The following HYDIN variants were observed in gnomAD, a reference collection of about 807,000 sequenced individuals.
HYDIN encodes the protein HYDIN axonemal central pair apparatus protein, also known as axonemal central pair apparatus protein HYDIN.
A neutral mutation model predicts 403.9 loss-of-function variants in HYDIN; 132 were observed. That is an observed-to-expected ratio of 0.33 (90% confidence interval 0.28 to 0.38). The LOEUF is 0.38. Ranked by LOEUF, HYDIN falls within the 10% of genes least tolerant of loss-of-function variation. HYDIN has a pLI of 1.00. For missense variants in HYDIN, 2,827 were observed against 5,009.5 expected (o/e 0.56, Z 13.15); for synonymous variants, 1,202 against 1,891.7 (o/e 0.64, Z 9.46).
chr16:71,181,231 C>T (rs1306200338), intron 3 of HYDIN, among the ~76,000 whole-genome samples: 30 of 139,256 alleles, frequency 2.2e-4, no homozygotes, highest in African/African-American at 7.1e-4. Context: ...TTTTTTGAAA[C>T]AAAAAAGCTG....
Position 71,179,187 on chromosome 16 carries a change from A to G in HYDIN, c.262-140T>C, listed in dbSNP as rs1391701045. ...CAAAAAGAAATCCATACCCAAGTAC[A>G]TCATTGTAAAAGCACTAAAACACAG... On this transcript the variant is annotated intron_variant, in intron 3 of 85. Transcript: ENST00000393567. The G allele has an allele frequency of 5.3e-6, 3 of 562,864 alleles. No individual in the cohort carries two copies. The Admixed American group carries it at 1.1e-4, about 20-fold the overall frequency. The allele number at this position is 562,864 out of a possible 1,614,324, so 34.9% of individuals were successfully genotyped here. A position where few individuals can be genotyped will look rare whatever the true frequency, so the allele number is the denominator to read the frequency against.
At chr16:70,944,375 TAGGA>T (rs2077783126) in intron 41 of HYDIN, among the ~76,000 whole-genome samples, 1 of 152,148 alleles carries the variant, frequency 6.6e-6, no homozygotes, top group Non-Finnish European at 1.5e-5. Flanking sequence ...TGATGAGTGC[TAGGA>T]AGGAAATAAC....
At chr16:71,023,145 A>C (rs1175236377) in intron 21 of HYDIN, among the ~76,000 whole-genome samples, 1 of 152,186 alleles carries the variant, frequency 6.6e-6, no homozygotes, top group African/African-American at 2.4e-5. Flanking sequence ...GATTACTTAA[A>C]AATGAAGAAT....
chr16:70,826,651 T>C (rs1303223937), intron 83 of HYDIN, among the ~76,000 whole-genome samples: 2 of 149,158 alleles, frequency 1.3e-5, no homozygotes, highest in Non-Finnish European at 2.9e-5. Context: ...TGGAGCATCC[T>C]ATTCAGTTAT....
intron 80 of HYDIN, among the ~76,000 whole-genome samples, chr16:70,830,524 C>T (rs570427698): frequency 7.1e-6 from 1 of 141,466 alleles, no homozygotes; most frequent in South Asian, 2.3e-4. Context: ...GATCTATGCT[C>T]TAACAGAACT....
chr16:70,879,162 C>T, intron 62 of HYDIN, 135 bp downstream of exon 62: 1 of 580,222 alleles, frequency 1.7e-6, no homozygotes, highest in Non-Finnish European at 3.1e-6. Flanking sequence ...TCTGCATGTC[C>T]CTGACACATA....
At chr16:71,028,208 C>G (rs891859964) in intron 19 of HYDIN, among the ~76,000 whole-genome samples, 4 of 151,940 alleles carry the variant, frequency 2.6e-5, no homozygotes, top group African/African-American at 7.3e-5. Context: ...AAAATACCTA[C>G]TGAAGGAGAA....
intron 5 of HYDIN, among the ~76,000 whole-genome samples, chr16:71,173,896 G>C (rs1384761091): frequency 6.6e-6 from 1 of 152,062 alleles, no homozygotes; most frequent in East Asian, 1.9e-4. Context: ...AAAAAACTAA[G>C]GAAAGCCACC....
chr16:71,069,465 G>A lies in HYDIN; in HGVS notation c.1776C>T (p.Thr592=), dbSNP rs763152646. ...PHTLICSLNN[T]SLIPMTYKLR... is the part of the protein sequence containing the mutation. ...GTTTGTAAGTCATGGGGATCAAAGAGGTATTATTGAGGGAACATATCAAGG... is the reference window on the plus strand; with the variant it reads ...GTTTGTAAGTCATGGGGATCAAAGAAGTATTATTGAGGGAACATATCAAGG... The change falls in exon 14 of 86, where the codon ACC becomes ACT. Residue 592 remains threonine, a synonymous_variant. Transcript: ENST00000393567. 5.0e-6 allele frequency: 8 copies of A among 1,613,788 alleles called. No homozygotes were observed. The South Asian group carries it at 8.8e-5, about 18-fold the overall frequency.
At position 71,175,744 on chromosome 16, in the gene HYDIN, GCAGGGAAACA is replaced by G; in HGVS notation, c.382-13_382-4del. On this transcript the variant is annotated splice_region_variant and splice_polypyrimidine_tract_variant and intron_variant, in intron 4 of 85. Transcript: ENST00000393567. ...ACAACTTTCACCAACCTTGGAATCT[GCAGGGAAACA>G]CATGATGATGAACATCGTGCATGTG... 6.2e-7 allele frequency: 1 copy of G among 1,614,042 alleles called. No homozygotes were observed. Among genetic ancestry groups the G allele is most frequent in the Non-Finnish European group, 8.5e-7 (1 of 1,179,932 alleles).
At chr16:70,880,223 T>C (rs545989223) in intron 60 of HYDIN, among the ~76,000 whole-genome samples, 1 of 131,058 alleles carries the variant, frequency 7.6e-6, no homozygotes, top group East Asian at 2.0e-4. Flanking sequence ...TATGCCCAGC[T>C]AATTTTTTTT....
At chr16:70,878,166 C>T (rs965595523) in intron 62 of HYDIN, among the ~76,000 whole-genome samples, 13 of 151,990 alleles carry the variant, frequency 8.6e-5, no homozygotes, top group African/African-American at 3.1e-4. Flanking sequence ...GAATAAGTCT[C>T]ACAAGATCTG....
chr16:71,118,512 A>T (rs1431204621), intron 9 of HYDIN, among the ~76,000 whole-genome samples: 1 of 152,076 alleles, frequency 6.6e-6, no homozygotes, highest in Non-Finnish European at 1.5e-5. Context: ...TCAGTAGCAG[A>T]CACCTATTCA....
chr16:70,960,260 A>G (rs915090416), intron 38 of HYDIN, among the ~76,000 whole-genome samples: 1 of 151,456 alleles, frequency 6.6e-6, no homozygotes, highest in South Asian at 2.1e-4. Flanking sequence ...TATAGCCCAC[A>G]GGCCAAATCT....
At chr16:70,923,671 A>T (rs1418126732) in intron 45 of HYDIN, among the ~76,000 whole-genome samples, 1 of 127,496 alleles carries the variant, frequency 7.8e-6, no homozygotes, top group African/African-American at 2.6e-5. Flanking sequence ...AAAAAAAAAA[A>T]TTAGCTGGGT....
At chr16:70,996,153 T>A (rs1205834733) in intron 23 of HYDIN, among the ~76,000 whole-genome samples, 1 of 151,778 alleles carries the variant, frequency 6.6e-6, no homozygotes, top group Non-Finnish European at 1.5e-5. Context: ...CAGGCAGAGG[T>A]GAGACTTCTG....
chr16:71,063,582 G>C (rs2082160164), intron 16 of HYDIN, among the ~76,000 whole-genome samples: 1 of 152,158 alleles, frequency 6.6e-6, no homozygotes, highest in African/African-American at 2.4e-5. Flanking sequence ...GCACTGTGCA[G>C]GGCTGGCCTG....
intron 18 of HYDIN, among the ~76,000 whole-genome samples, chr16:71,050,413 G>C: frequency 7.2e-6 from 1 of 138,116 alleles, no homozygotes; most frequent in African/African-American, 2.6e-5. Flanking sequence ...TAATTTAGTA[G>C]AAAGAAACAT....
At chr16:71,151,033 A>C (rs1450886522) in intron 7 of HYDIN, among the ~76,000 whole-genome samples, 1 of 152,116 alleles carries the variant, frequency 6.6e-6, no homozygotes, top group Admixed American at 6.5e-5. Flanking sequence ...AATTGACAAA[A>C]CAGCACTACA....
Sources: gnomAD v4.1 joint callset for allele counts (sites outside exome capture counted in the v4.1 genomes callset) on GRCh38, gnomAD v4.1.1 for gene constraint, MANE v1.5 for transcripts, NCBI Gene and HGNC (gene_info 2026-07-23, HGNC 2026-07-21) for gene names.